GLI2: variants seen among roughly 807,000 people sequenced by gnomAD.
GLI2 encodes transcription activator GLI2.
A neutral mutation model predicts 78.9 loss-of-function variants in GLI2; 22 were observed. The observed-to-expected ratio is 0.28, with a 90% CI of 0.20 to 0.40. The LOEUF is 0.40. GLI2 is among the 10% of genes least tolerant of loss of function. The pLI is 1.00. For missense variants in GLI2, 2,097 were observed against 2,213.2 expected (o/e 0.95, Z 1.05); for synonymous variants, 974 against 963.7 (o/e 1.01, Z -0.20).
rs72969985 is a variant in GLI2 at position 120,793,258 on chromosome 2, G to A, written c.-30-4033G>A. On this transcript the variant is annotated intron_variant, in intron 1 of 13. Coordinates refer to ENST00000361492, the MANE Select transcript of GLI2 (RefSeq NM_001374353.1). ...TGGAGAGTGTGGCTGTGTTTCCTTC[G>A]TGGTTGTTTGGACAGCGGCAGAGCT... Among the ~76,000 whole-genome samples, 581 of 152,350 alleles carry A rather than the reference G, an allele frequency of 3.8e-3. 6 individuals are homozygous for A. Among genetic ancestry groups the A allele is most frequent in the African/African-American group, 0.013 (522 of 41,574 alleles).
In GLI2 at chr2:120,841,038, C is replaced by A. The variant is rs148003456; in HGVS notation, c.148+43570C>A. On this transcript the variant is annotated intron_variant, in intron 2 of 13. Transcript: ENST00000361492. Reference sequence around the variant, plus strand: ...ACAGATGTTCATTCTGTTTATTGAGCTGGAGGGCCTTTAGTTTCCCTTGTT... The same window carrying A: ...ACAGATGTTCATTCTGTTTATTGAGATGGAGGGCCTTTAGTTTCCCTTGTT... Among the ~76,000 whole-genome samples the A allele has an allele frequency of 2.6e-5, 4 of 152,294 alleles. No homozygotes were observed. The East Asian group carries it at 7.7e-4, about 29-fold the overall frequency.
chr2:120,989,803 A>G lies in GLI2; in HGVS notation c.3838A>G (p.Asn1280Asp), dbSNP rs778047825. ...EVAPDPTTMG[N>D]RHRELGVPDS... is the part of the protein sequence containing the mutation. ...GGCACCTGACCCCACCACGATGGGCAATCGCCACAGGGAACTTGGGGTCCC... is the reference window on the plus strand; with the variant it reads ...GGCACCTGACCCCACCACGATGGGCGATCGCCACAGGGAACTTGGGGTCCC... Residue 1280 changes from asparagine (N) to aspartate (D), a missense_variant, in exon 14 of 14, where the codon AAT becomes GAT. Asn to Asp is a conservative substitution (Grantham distance 23). Around this residue, in one of 5 missense-constraint regions of GLI2, gnomAD observed 1,290 missense variants for 1,261.7 expected, o/e 1.02. Coordinates refer to ENST00000361492, the MANE Select transcript of GLI2 (RefSeq NM_001374353.1). 1 of 1,610,832 alleles carries G rather than the reference A, an allele frequency of 6.2e-7. No individual in the cohort carries two copies. The highest frequency in any genetic ancestry group is 8.5e-7 in the Non-Finnish European group (1 of 1,178,426).
intron 3 of GLI2, among the ~76,000 whole-genome samples, chr2:120,939,465 C>A (rs1009840287): frequency 6.6e-6 from 1 of 152,184 alleles, no homozygotes; most frequent in African/African-American, 2.4e-5. Context: ...GAGTTTATCA[C>A]CCCTCACATC....
intron 1 of GLI2, among the ~76,000 whole-genome samples, chr2:120,796,357 C>T (rs896725644): frequency 6.6e-6 from 1 of 152,198 alleles, no homozygotes; most frequent in East Asian, 1.9e-4. Context: ...GCAGTAGCCT[C>T]CTCTCCCCGA....
At chr2:120,828,460 T>C (rs1001952718) in intron 2 of GLI2, among the ~76,000 whole-genome samples, 2 of 152,242 alleles carry the variant, frequency 1.3e-5, no homozygotes, top group Non-Finnish European at 2.9e-5. Context: ...AGAATCAAAA[T>C]CCAGCATAAG....
intron 2 of GLI2, among the ~76,000 whole-genome samples, chr2:120,851,614 T>G (rs1687411226): frequency 6.6e-6 from 1 of 152,130 alleles, no homozygotes; most frequent in African/African-American, 2.4e-5. Context: ...CTGGTGTAGC[T>G]CCAGGCAGAC....
rs1573395933 is a variant in GLI2 at position 120,801,000 on chromosome 2, G to C, written c.148+3532G>C. On this transcript the variant is annotated intron_variant, in intron 2 of 13. Coordinates refer to ENST00000361492, the MANE Select transcript of GLI2 (RefSeq NM_001374353.1). This position sits in a 1 kb window ranked among gnomAD's most constrained non-coding sequence, Gnocchi z 4.1. ...TGGGGGCACCCTGCATTCCCCGGCAGCTCATGGCCCCTCATGCAGCCTCCC... is the reference window on the plus strand; with the variant it reads ...TGGGGGCACCCTGCATTCCCCGGCACCTCATGGCCCCTCATGCAGCCTCCC... Among the ~76,000 whole-genome samples the C allele has an allele frequency of 6.6e-6, 1 of 152,174 alleles. No homozygotes were observed. The highest frequency in any genetic ancestry group is 1.9e-4 in the East Asian group (1 of 5,190).
chr2:120,815,124 AATAC>A (rs1184648769), intron 2 of GLI2, among the ~76,000 whole-genome samples: 1 of 152,182 alleles, frequency 6.6e-6, no homozygotes, highest in Non-Finnish European at 1.5e-5. Flanking sequence ...AGTCATTGAA[AATAC>A]ATACAGTGAA....
At chr2:120,902,636 A>G (rs559480443) in intron 2 of GLI2, among the ~76,000 whole-genome samples, 2 of 152,216 alleles carry the variant, frequency 1.3e-5, no homozygotes, top group East Asian at 3.9e-4. Flanking sequence ...TGTGAACCTG[A>G]ACTTTGACAT....
intron 2 of GLI2, among the ~76,000 whole-genome samples, chr2:120,872,105 G>A (rs1240838516): frequency 3.3e-5 from 5 of 152,248 alleles, no homozygotes; most frequent in Non-Finnish European, 5.9e-5. Flanking sequence ...TGGCTGGTGG[G>A]CTGACAGCTG....
chr2:120,972,888 G>T (rs1362516896), intron 8 of GLI2, among the ~76,000 whole-genome samples: 1 of 152,110 alleles, frequency 6.6e-6, no homozygotes, highest in African/African-American at 2.4e-5. Context: ...CAGCATGCGG[G>T]CAGCCCCCAC....
intron 1 of GLI2, among the ~76,000 whole-genome samples, chr2:120,736,916 G>C (rs1335280627): frequency 1.4e-5 from 2 of 140,114 alleles, no homozygotes; most frequent in Non-Finnish European, 3.0e-5. Context: ...TCCTGCCCTC[G>C]GCCCTGAGAT....
intron 3 of GLI2, among the ~76,000 whole-genome samples, chr2:120,939,472 C>T (rs1260101766): frequency 1.3e-5 from 2 of 152,168 alleles, no homozygotes; most frequent in African/African-American, 4.8e-5. Flanking sequence ...TCACCCCTCA[C>T]ATCTTATGAC....
Position 120,965,643 on chromosome 2 carries a change from C to T in GLI2, c.644-3071C>T, listed in dbSNP as rs542381325. Among the ~76,000 whole-genome samples the T allele has an allele frequency of 5.6e-4, 84 of 150,592 alleles. 1 individual carries two copies. Among genetic ancestry groups the T allele is most frequent in the African/African-American group, 2.0e-3 (83 of 40,536 alleles). On this transcript the variant is annotated intron_variant, in intron 5 of 13. Coordinates refer to ENST00000361492, the MANE Select transcript of GLI2 (RefSeq NM_001374353.1). ...CACTCCAGCCGGGATGCAGATGCTG[C>T]GGCAGAGGGGCACACTCCAGCCGGG... is the stretch of plus-strand genomic sequence containing the variant.
chr2:120,770,568 C>T (rs141698185), intron 1 of GLI2, among the ~76,000 whole-genome samples: 4 of 152,194 alleles, frequency 2.6e-5, no homozygotes, highest in South Asian at 4.1e-4. Flanking sequence ...ACGACAGCCA[C>T]ACGCTGCCTG....
chr2:120,855,032 G>A (rs571520989), intron 2 of GLI2, among the ~76,000 whole-genome samples: 137 of 152,360 alleles, frequency 9.0e-4, no homozygotes, highest in African/African-American at 3.2e-3. Flanking sequence ...CGAGGTCATC[G>A]CGGAATGACC....
intron 3 of GLI2, among the ~76,000 whole-genome samples, chr2:120,941,254 C>G (rs1680435349): frequency 6.6e-6 from 1 of 152,210 alleles, no homozygotes; most frequent in Admixed American, 6.5e-5. Context: ...TGCTGTATGG[C>G]TCTTAAAAAA....
intron 3 of GLI2, among the ~76,000 whole-genome samples, chr2:120,929,130 A>T (rs1679829712): frequency 6.6e-6 from 1 of 152,154 alleles, no homozygotes; most frequent in African/African-American, 2.4e-5. Flanking sequence ...TGCCTGATTG[A>T]TGCTGTTTCA....
intron 2 of GLI2, among the ~76,000 whole-genome samples, chr2:120,868,374 T>G (rs1366981989): frequency 6.6e-6 from 1 of 152,266 alleles, no homozygotes; most frequent in Non-Finnish European, 1.5e-5. Flanking sequence ...TGGCAAAATC[T>G]AGAAGACACT....
Sources: gnomAD v4.1 joint callset for allele counts (sites outside exome capture counted in the v4.1 genomes callset) on GRCh38, gnomAD v4.1.1 for gene constraint, gnomAD v4.1.1 regional missense constraint, Gnocchi (gnomAD v3.1) non-coding constraint, MANE v1.5 for transcripts, NCBI Gene and HGNC (gene_info 2026-07-23, HGNC 2026-07-21) for gene names.